TMEM62: variants seen among roughly 807,000 people sequenced by gnomAD.
TMEM62 encodes the protein transmembrane protein 62.
A neutral mutation model predicts 70.4 loss-of-function variants in TMEM62; 41 were observed. The observed-to-expected ratio is 0.58, with a 90% CI of 0.45 to 0.76. The LOEUF (loss-of-function observed/expected upper bound fraction) is 0.76, where lower values mean the gene tolerates loss of function less well. Ranked by LOEUF, TMEM62 falls within the 30% of genes least tolerant of loss-of-function variation. The probability of loss-of-function intolerance (pLI) is 0.00; values close to 1 mark genes in which losing one functional copy is unlikely to be tolerated. For missense variants in TMEM62, 688 were observed against 788.5 expected (o/e 0.87, Z 1.53); for synonymous variants, 268 against 291.0 (o/e 0.92, Z 0.80).
intron 10 of TMEM62, among the ~76,000 whole-genome samples, chr15:43,164,247 TAAAAA>T (rs1287138784): frequency 6.6e-6 from 1 of 152,150 alleles, no homozygotes; most frequent in Non-Finnish European, 1.5e-5. Flanking sequence ...CTCCATCTCT[TAAAAA>T]GAAAAGACTT....
chr15:43,152,694 C>T (rs1475081676), intron 8 of TMEM62, among the ~76,000 whole-genome samples: 1 of 152,104 alleles, frequency 6.6e-6, no homozygotes, highest in Admixed American at 6.6e-5. Flanking sequence ...CATGCCTGGC[C>T]ATGAATTTGA....
Position 43,133,877 on chromosome 15 carries a change from C to A in TMEM62, c.75C>A (p.His25Gln). 6.7e-7 allele frequency: 1 copy of A among 1,500,792 alleles called. No homozygotes were observed. 93.0% of individuals were successfully genotyped at this position (1,500,792 alleles called of 1,614,324 possible). ...CGCTGGTGGCCATGCTCTTGGAGCA[C>A]TACGGCCTGGCGGGCCAGCCCTCGC... The part of the protein sequence containing the change: ...AAALVAMLLE[H>Q]YGLAGQPSPL... Residue 25 changes from histidine to glutamine, a missense_variant, in exon 1 of 14, where the codon CAC becomes CAA. Physicochemically the swap from His to Gln is conservative, Grantham distance 24 (BLOSUM62 0). Coordinates refer to ENST00000260403, the MANE Select transcript of TMEM62 (RefSeq NM_024956.4).
intron 10 of TMEM62, among the ~76,000 whole-genome samples, chr15:43,165,237 T>G (rs1272838144): frequency 2.2e-5 from 3 of 137,750 alleles, no homozygotes; most frequent in Non-Finnish European, 4.8e-5. Flanking sequence ...CTTGTAGGTG[T>G]GCTTCATTCT....
At chr15:43,166,295 G>C (rs1030752731) in intron 10 of TMEM62, among the ~76,000 whole-genome samples, 6 of 152,124 alleles carry the variant, frequency 3.9e-5, no homozygotes, top group Non-Finnish European at 8.8e-5. Context: ...TGGTGGCAGA[G>C]ACAGAGTAGA....
At chr15:43,167,477 T>C (rs1233602314) in intron 10 of TMEM62, among the ~76,000 whole-genome samples, 1 of 149,146 alleles carries the variant, frequency 6.7e-6, no homozygotes, top group African/African-American at 2.5e-5. Context: ...GCTCCTCACA[T>C]CCCGGACGGG....
chr15:43,137,030 G>A (rs2035322604), intron 3 of TMEM62, among the ~76,000 whole-genome samples: 1 of 152,116 alleles, frequency 6.6e-6, no homozygotes, highest in African/African-American at 2.4e-5. Context: ...TGGGATTACA[G>A]GTGTGAGTCA....
At chr15:43,166,701 G>A (rs1028081478) in intron 10 of TMEM62, among the ~76,000 whole-genome samples, 3 of 152,062 alleles carry the variant, frequency 2.0e-5, no homozygotes, top group Admixed American at 6.6e-5. Context: ...AGGACCCTGC[G>A]GCCTTCCGCA....
intron 11 of TMEM62, among the ~76,000 whole-genome samples, chr15:43,174,560 A>G (rs2040538854): frequency 6.6e-6 from 1 of 152,234 alleles, no homozygotes; most frequent in African/African-American, 2.4e-5. Context: ...AATTTGAAAC[A>G]TATTTTAACC....
intron 7 of TMEM62, among the ~76,000 whole-genome samples, chr15:43,150,898 G>C (rs2037286055): frequency 1.3e-5 from 2 of 152,194 alleles, no homozygotes; most frequent in Non-Finnish European, 2.9e-5. Context: ...AATTTCGTGA[G>C]CACTATTGTT....
rs558705873 is a variant in TMEM62 at position 43,184,513 on chromosome 15, G to A, written c.1859G>A (p.Arg620His). The A allele has an allele frequency of 1.2e-5, 20 of 1,613,424 alleles. No homozygotes were observed. The highest frequency in any genetic ancestry group is 1.1e-4 in the East Asian group (5 of 44,888). Residue 620 changes from arginine (R) to histidine (H), a missense_variant, in exon 14 of 14, where the codon CGT becomes CAT. Physicochemically the swap from Arg to His is conservative, Grantham distance 29 (BLOSUM62 0). Coordinates refer to ENST00000260403, the MANE Select transcript of TMEM62 (RefSeq NM_024956.4). ...WLTLLTPVLIRYVWTLNSTKF... is the reference protein window; with the variant it reads ...WLTLLTPVLIHYVWTLNSTKF... ...ACACTGCTGACACCTGTTCTCATTCGTTATGTGTGGACACTGAACTCCACC... is the reference window on the plus strand; with the variant it reads ...ACACTGCTGACACCTGTTCTCATTCATTATGTGTGGACACTGAACTCCACC...
At chr15:43,136,937 G>T (rs925290461) in intron 3 of TMEM62, among the ~76,000 whole-genome samples, 5 of 151,918 alleles carry the variant, frequency 3.3e-5, no homozygotes, top group Non-Finnish European at 2.9e-5. Flanking sequence ...TTTTTTTGTG[G>T]AGTTGGGTTC....
intron 13 of TMEM62, among the ~76,000 whole-genome samples, chr15:43,182,575 T>A (rs756786882): frequency 6.6e-6 from 1 of 151,698 alleles, no homozygotes; most frequent in Non-Finnish European, 1.5e-5. Flanking sequence ...TGCCTCAGCC[T>A]CCCATGTAGC....
At chr15:43,168,765 C>T (rs2141967171) in intron 10 of TMEM62, among the ~76,000 whole-genome samples, 1 of 152,272 alleles carries the variant, frequency 6.6e-6, no homozygotes, top group South Asian at 2.1e-4. Flanking sequence ...TGGCTCTGAG[C>T]CCAACATAGT....
chr15:43,145,437 C>T (rs995980345), intron 4 of TMEM62, among the ~76,000 whole-genome samples: 2 of 152,006 alleles, frequency 1.3e-5, no homozygotes, highest in Non-Finnish European at 2.9e-5. Flanking sequence ...GATCTCCTGA[C>T]CTCGTGATCC....
At chr15:43,135,412 G>A (rs2035070736) in intron 2 of TMEM62, 100 bp from the exon 3 acceptor site, 3 of 1,245,996 alleles carry the variant, frequency 2.4e-6, no homozygotes, top group South Asian at 1.9e-5. Context: ...CACGTTGAGT[G>A]CTTTAAGTAT....
intron 10 of TMEM62, among the ~76,000 whole-genome samples, chr15:43,166,389 T>C (rs1223748541): frequency 1.3e-5 from 2 of 152,194 alleles, no homozygotes; most frequent in Non-Finnish European, 2.9e-5. Context: ...CAAACACCTA[T>C]GTATCCATTG....
At chr15:43,180,232 C>G (rs2041200556) in intron 12 of TMEM62, among the ~76,000 whole-genome samples, 2 of 152,222 alleles carry the variant, frequency 1.3e-5, no homozygotes, top group South Asian at 4.1e-4. Flanking sequence ...AAACAATTCT[C>G]CTACCTCAGC....
Position 43,176,465 on chromosome 15 carries a change from C to T in TMEM62, c.1382-2142C>T, listed in dbSNP as rs568857796. Among the ~76,000 whole-genome samples the T allele has an allele frequency of 1.5e-4, 23 of 152,248 alleles. No individual in the cohort carries two copies. The East Asian group carries it at 3.1e-3, about 20-fold the overall frequency. ...GGGGCAGACTGACATCTCACACGGC[C>T]GGGTACTCCTCTGAGACAAAAGTTC... is the stretch of plus-strand genomic sequence containing the variant. On this transcript the variant is annotated intron_variant, in intron 11 of 13. Transcript: ENST00000260403.
At chr15:43,138,350 G>A (rs1426976867) in intron 3 of TMEM62, among the ~76,000 whole-genome samples, 1 of 152,116 alleles carries the variant, frequency 6.6e-6, no homozygotes, top group Non-Finnish European at 1.5e-5. Context: ...CTAGGTGGGG[G>A]AAGCAAACTG....
Sources: allele counts gnomAD v4.1 joint callset (sites outside exome capture counted in the v4.1 genomes callset), GRCh38; gene constraint gnomAD v4.1.1; transcripts MANE v1.5; gene names NCBI Gene and HGNC (gene_info 2026-07-23, HGNC 2026-07-21).